KCND2: variants seen among roughly 807,000 people sequenced by gnomAD.
The protein encoded by KCND2 is potassium voltage-gated channel subfamily D member 2.
A neutral mutation model predicts 54.4 loss-of-function variants in KCND2; 16 were observed. The ratio of observed to expected loss-of-function variants is 0.29; its 90% CI spans 0.20 to 0.45. The LOEUF is 0.45. Ranked by LOEUF, KCND2 falls within the 20% of genes least tolerant of loss-of-function variation. The pLI, the probability that KCND2 is intolerant of heterozygous loss-of-function variation, is 1.00. For missense variants in KCND2, 486 were observed against 824.2 expected, an observed-to-expected ratio of 0.59 and a Z score of 5.02; for synonymous variants, 317 against 310.7, an observed-to-expected ratio of 1.02 and a Z score of -0.21.
chr7:120,427,196 G>A (rs1453837678), intron 1 of KCND2, among the ~76,000 whole-genome samples: 4 of 151,924 alleles, frequency 2.6e-5, no homozygotes, highest in Admixed American at 1.3e-4. Context: ...TTGATCATAC[G>A]CCACTATCTG....
chr7:120,646,823 A>G (rs1478374376), intron 1 of KCND2, among the ~76,000 whole-genome samples: 8 of 152,244 alleles, frequency 5.3e-5, no homozygotes, highest in African/African-American at 9.6e-5. Context: ...TTTAGAAAGT[A>G]TATTTTCTAC....
intron 1 of KCND2, among the ~76,000 whole-genome samples, chr7:120,655,526 G>T (rs1051079466): frequency 1.3e-5 from 2 of 151,982 alleles, no homozygotes; most frequent in Non-Finnish European, 2.9e-5. Context: ...TGTTGATAAA[G>T]TTGTTTATAT....
intron 1 of KCND2, among the ~76,000 whole-genome samples, chr7:120,326,528 T>C (rs1393960935): frequency 6.6e-6 from 1 of 152,078 alleles, no homozygotes; most frequent in Non-Finnish European, 1.5e-5. Flanking sequence ...GACTAATTGG[T>C]AGCTCATTGT....
chr7:120,720,470 A>T (rs1792652629), intron 1 of KCND2, among the ~76,000 whole-genome samples: 1 of 152,076 alleles, frequency 6.6e-6, no homozygotes, highest in Admixed American at 6.6e-5. Flanking sequence ...GCCTCTTACT[A>T]GTGATCCAGA....
At chr7:120,647,757 A>G (rs1459175473) in intron 1 of KCND2, among the ~76,000 whole-genome samples, 1 of 152,196 alleles carries the variant, frequency 6.6e-6, no homozygotes, top group Non-Finnish European at 1.5e-5. Flanking sequence ...TTTAACATTC[A>G]ACTCTGAATA....
At chr7:120,418,041 G>C (rs962726362) in intron 1 of KCND2, among the ~76,000 whole-genome samples, 2 of 152,128 alleles carry the variant, frequency 1.3e-5, no homozygotes, top group Admixed American at 6.5e-5. Context: ...GGATAATCAA[G>C]TATTTTACTT....
chr7:120,702,339 ATAGGAGTG>A (rs1488539720), intron 1 of KCND2, among the ~76,000 whole-genome samples: 1 of 152,164 alleles, frequency 6.6e-6, no homozygotes, highest in Non-Finnish European at 1.5e-5. Context: ...TATGCAGTTG[ATAGGAGTG>A]TAAATTCGTT....
At chr7:120,448,134 C>G (rs1802045371) in intron 1 of KCND2, among the ~76,000 whole-genome samples, 1 of 151,980 alleles carries the variant, frequency 6.6e-6, no homozygotes, top group South Asian at 2.1e-4. Flanking sequence ...CACCCATTAA[C>G]TCGTCATTTA....
At chr7:120,346,214 T>TTA (rs1281721951) in intron 1 of KCND2, among the ~76,000 whole-genome samples, 2 of 152,174 alleles carry the variant, frequency 1.3e-5, no homozygotes, top group African/African-American at 4.8e-5. Context: ...CAGGGATCCT[T>TTA]TATATATCCT....
intron 2 of KCND2, among the ~76,000 whole-genome samples, chr7:120,734,078 A>G (rs566736098): frequency 4.6e-5 from 7 of 152,254 alleles, no homozygotes; most frequent in Admixed American, 4.6e-4. Context: ...GCACAGCCGC[A>G]TGGTAGAAAA....
At chr7:120,479,125 C>A (rs1482046617) in intron 1 of KCND2, among the ~76,000 whole-genome samples, 1 of 152,078 alleles carries the variant, frequency 6.6e-6, no homozygotes, top group Non-Finnish European at 1.5e-5. Context: ...TGTAGTGTTG[C>A]AGATGTGTTG....
chr7:120,644,013 T>A (rs186457946), intron 1 of KCND2, among the ~76,000 whole-genome samples: 37 of 152,192 alleles, frequency 2.4e-4, no homozygotes, highest in Admixed American at 1.9e-3. Context: ...TCATAAACCA[T>A]CTCAAAATGA....
chr7:120,574,203 C>T (rs1792398825), intron 1 of KCND2, among the ~76,000 whole-genome samples: 1 of 152,120 alleles, frequency 6.6e-6, no homozygotes, highest in African/African-American at 2.4e-5. Context: ...TAAAATGTGG[C>T]AAAATGACAT....
chr7:120,726,877 T>TA (rs1008948851), intron 1 of KCND2, among the ~76,000 whole-genome samples: 7 of 152,290 alleles, frequency 4.6e-5, no homozygotes, highest in African/African-American at 1.4e-4. Context: ...TTTTTCCTTG[T>TA]AAAAAATGAA....
At chr7:120,648,808 A>G (rs763618122) in intron 1 of KCND2, among the ~76,000 whole-genome samples, 3 of 152,232 alleles carry the variant, frequency 2.0e-5, no homozygotes, top group Non-Finnish European at 2.9e-5. Context: ...TTCAACTGAA[A>G]TAGCATTTCA....
intron 1 of KCND2, among the ~76,000 whole-genome samples, chr7:120,319,366 TG>T (rs1799859361): frequency 6.6e-6 from 1 of 152,076 alleles, no homozygotes; most frequent in Admixed American, 6.6e-5. Context: ...AAGTAAAAAA[TG>T]GGACACATAC....
chr7:120,454,254 A>T (rs1171188044), intron 1 of KCND2, among the ~76,000 whole-genome samples: 1 of 152,118 alleles, frequency 6.6e-6, no homozygotes, highest in East Asian at 1.9e-4. Flanking sequence ...CATAGGAAAG[A>T]TCATGAGCCC....
intron 2 of KCND2, among the ~76,000 whole-genome samples, chr7:120,741,060 AAAG>A (rs1472241407): frequency 4.6e-5 from 7 of 151,736 alleles, no homozygotes; most frequent in Non-Finnish European, 8.8e-5. Context: ...AAAAAAAAAA[AAAG>A]AAAGGAAGGA....
intron 1 of KCND2, among the ~76,000 whole-genome samples, chr7:120,686,711 C>T (rs759090592): frequency 5.3e-5 from 8 of 152,112 alleles, no homozygotes; most frequent in Non-Finnish European, 1.2e-4. Context: ...GGAAGGGCTA[C>T]AAGCACAGGG....
Sources: gnomAD v4.1 joint callset for allele counts (sites outside exome capture counted in the v4.1 genomes callset) on GRCh38, gnomAD v4.1.1 for gene constraint, MANE v1.5 for transcripts, NCBI Gene and HGNC (gene_info 2026-07-23, HGNC 2026-07-21) for gene names.